Variants in OTULINL observed in about 807,000 individuals in gnomAD.
OTULINL encodes OTU deubiquitinase with linear linkage specificity like, also known as inactive ubiquitin thioesterase OTULINL.
Under a neutral mutation model 43.9 loss-of-function variants are expected in OTULINL, and 42 were observed. The observed-to-expected ratio is 0.96, with a 90% CI of 0.75 to 1.24. The LOEUF (loss-of-function observed/expected upper bound fraction) is 1.24. OTULINL is among the 50% of genes most tolerant of loss of function. OTULINL has a pLI of 0.00. For missense variants in OTULINL, 411 were observed against 426.4 expected (o/e 0.96, Z 0.32); for synonymous variants, 172 against 153.6 (o/e 1.12, Z -0.88).
rs1560970343 is a variant in OTULINL at position 14,612,160 on chromosome 5, T to C, written c.*1846T>C. The C allele has an allele frequency of 6.6e-6, 1 of 152,254 alleles. No individual in the cohort carries two copies. Among genetic ancestry groups the C allele is most frequent in the Non-Finnish European group, 1.5e-5 (1 of 68,048 alleles). 9.4% of individuals were successfully genotyped at this position (152,254 alleles called of 1,614,324 possible). On this transcript the variant is annotated 3_prime_UTR_variant, in exon 8 of 8. Transcript: ENST00000274217. ...GTTAGAAGATATCCCCCTGATGTGTTACTGTAACCAAGAAAGCATGAACGT... is the reference window on the plus strand; with the variant it reads ...GTTAGAAGATATCCCCCTGATGTGTCACTGTAACCAAGAAAGCATGAACGT...
In OTULINL at chr5:14,582,814, C is replaced by CAAA. The variant is rs57907300; in HGVS notation, c.64+879_64+881dup. On this transcript the variant is annotated intron_variant, in intron 1 of 7. Coordinates refer to ENST00000274217, the MANE Select transcript of OTULINL (RefSeq NM_019018.3). Reference sequence around the variant, plus strand: ...CAGGGAGACAGAGCCTTGCTCTGTCCAAAAAAAAAAAAAAAAAAAAAAAAA... The same window carrying CAAA: ...CAGGGAGACAGAGCCTTGCTCTGTCCAAAAAAAAAAAAAAAAAAAAAAAAAAAA... 3.2e-3 allele frequency among the ~76,000 whole-genome samples: 176 copies of CAAA among 54,958 alleles called. 2 individuals are homozygous for CAAA. Among genetic ancestry groups the CAAA allele is most frequent in the Non-Finnish European group, 4.5e-3 (129 of 28,590 alleles). The allele number at this position is 54,958 out of a possible 152,430, so 36.1% of individuals were successfully genotyped here. A position where few individuals can be genotyped will look rare whatever the true frequency, so the allele number is the denominator to read the frequency against.
In OTULINL at chr5:14,601,261, A is replaced by T; in HGVS notation, c.256+17A>T. ...AATTCAAAAGTAAATATTTTCATTCATTTATTTCTTTATTTTTAAGGTGCA... is the reference window on the plus strand; with the variant it reads ...AATTCAAAAGTAAATATTTTCATTCTTTTATTTCTTTATTTTTAAGGTGCA... On this transcript the variant is annotated intron_variant, in intron 3 of 7. Transcript: ENST00000274217. The T allele has an allele frequency of 6.2e-7, 1 of 1,610,098 alleles. No homozygotes were observed. Among genetic ancestry groups the T allele is most frequent in the Non-Finnish European group, 8.5e-7 (1 of 1,177,460 alleles).
chr5:14,591,522 C>T (rs1759201764), intron 1 of OTULINL, among the ~76,000 whole-genome samples: 1 of 152,130 alleles, frequency 6.6e-6, no homozygotes, highest in South Asian at 2.1e-4. Context: ...TTAAAAAAAT[C>T]TGCCACTCAG....
At chr5:14,608,697 A>G (rs754167655) in intron 6 of OTULINL, 51 bp from the exon 7 acceptor site, 3 of 1,398,382 alleles carry the variant, frequency 2.1e-6, no homozygotes, top group Admixed American at 4.1e-5. Flanking sequence ...ATGGAATGGT[A>G]TATGTCTTCA....
intron 1 of OTULINL, among the ~76,000 whole-genome samples, chr5:14,599,084 C>T (rs189681495): frequency 6.6e-6 from 1 of 151,716 alleles, no homozygotes; most frequent in African/African-American, 2.4e-5. Context: ...TACTAAATGT[C>T]TAGGTAAGAA....
intron 1 of OTULINL, among the ~76,000 whole-genome samples, chr5:14,582,356 C>G (rs935509304): frequency 6.6e-6 from 1 of 151,932 alleles, no homozygotes; most frequent in Non-Finnish European, 1.5e-5. Context: ...GGCGCGTGGA[C>G]CCGCGGGGCC....
intron 1 of OTULINL, among the ~76,000 whole-genome samples, chr5:14,582,902 CA>C (rs1759039801): frequency 6.6e-6 from 1 of 151,992 alleles, no homozygotes; most frequent in African/African-American, 2.4e-5. Flanking sequence ...TCGACGTCTC[CA>C]CCCGCTGGCT....
chr5:14,609,978 A>G (rs993686001), intron 7 of OTULINL, among the ~76,000 whole-genome samples, 163 bp from the exon 8 acceptor site: 3 of 151,996 alleles, frequency 2.0e-5, no homozygotes, highest in Non-Finnish European at 4.4e-5. Flanking sequence ...CTTCCACACA[A>G]TGAGCATTTG....
Position 14,610,249 on chromosome 5 carries a change from A to G in OTULINL, c.1006A>G (p.Arg336Gly), listed in dbSNP as rs1168971911. ...FEVCYPEEPLRDWPEISLLTE... is the reference protein window; with the variant it reads ...FEVCYPEEPLGDWPEISLLTE... ...AGTCTGCTACCCAGAGGAGCCTCTC[A>G]GGGACTGGCCGGAGATCTCCCTGCT... Residue 336 changes from arginine to glycine, a missense_variant, in exon 8 of 8, where the codon AGG becomes GGG. Physicochemically the swap from Arg to Gly is moderately radical, Grantham distance 125. Coordinates refer to ENST00000274217, the MANE Select transcript of OTULINL (RefSeq NM_019018.3). The G allele has an allele frequency of 6.2e-7, 1 of 1,613,756 alleles. No homozygotes were observed. Among genetic ancestry groups the G allele is most frequent in the Non-Finnish European group, 8.5e-7 (1 of 1,179,958 alleles).
Position 14,610,433 on chromosome 5 carries a change from G to A in OTULINL, c.*119G>A. The A allele has an allele frequency of 9.8e-7, 1 of 1,016,260 alleles. No homozygotes were observed. Among genetic ancestry groups the A allele is most frequent in the South Asian group, 1.6e-5 (1 of 63,820 alleles). The allele number at this position is 1,016,260 out of a possible 1,614,324, so 63.0% of individuals were successfully genotyped here. A position where few individuals can be genotyped will look rare whatever the true frequency, so the allele number is the denominator to read the frequency against. On this transcript the variant is annotated 3_prime_UTR_variant, in exon 8 of 8. Transcript: ENST00000274217. ...GGAAGGAATTAGGACCTTTTCTTCAGGATTACAGGTACACTGGATGCAGCC... is the reference window on the plus strand; with the variant it reads ...GGAAGGAATTAGGACCTTTTCTTCAAGATTACAGGTACACTGGATGCAGCC...
intron 1 of OTULINL, among the ~76,000 whole-genome samples, chr5:14,591,506 G>A (rs1402080687): frequency 6.6e-6 from 1 of 152,064 alleles, no homozygotes; most frequent in African/African-American, 2.4e-5. Flanking sequence ...AGCTGGGCAT[G>A]CCATTTTAAA....
intron 1 of OTULINL, among the ~76,000 whole-genome samples, chr5:14,583,885 CA>C (rs1236166884): frequency 2.6e-5 from 4 of 152,124 alleles, no homozygotes; most frequent in African/African-American, 9.7e-5. Context: ...AGAAAACCCA[CA>C]GAAGAGGTTT....
At chr5:14,583,560 C>T (rs925901576) in intron 1 of OTULINL, among the ~76,000 whole-genome samples, 2 of 152,178 alleles carry the variant, frequency 1.3e-5, no homozygotes, top group African/African-American at 4.8e-5. Context: ...TTTTTCCTTT[C>T]TTTGCACCAA....
intron 1 of OTULINL, among the ~76,000 whole-genome samples, chr5:14,600,208 T>C (rs1457418122): frequency 1.3e-5 from 2 of 152,148 alleles, no homozygotes; most frequent in African/African-American, 2.4e-5. Flanking sequence ...ATAAGGGGCT[T>C]TCCCCCCTTT....
At chr5:14,605,348 A>G (rs1034795833) in intron 5 of OTULINL, among the ~76,000 whole-genome samples, 1 of 120,982 alleles carries the variant, frequency 8.3e-6, no homozygotes, top group African/African-American at 3.2e-5. Context: ...GGGACCCTGG[A>G]CCTGGCCCAT....
In OTULINL at chr5:14,581,940, T is replaced by C; in HGVS notation, c.46T>C (p.Ser16Pro). 1 of 1,373,116 alleles carries C rather than the reference T, an allele frequency of 7.3e-7. No homozygotes were observed. The highest frequency in any genetic ancestry group is 9.4e-7 in the Non-Finnish European group (1 of 1,064,218). 85.1% of individuals were successfully genotyped at this position (1,373,116 alleles called of 1,614,324 possible). ...SPTRARERERSGAPAAGSDQV... is the reference protein window; with the variant it reads ...SPTRARERERPGAPAAGSDQV... ...CACGCGGGCAAGGGAGCGGGAGCGGTCTGGCGCTCCCGCCGCAGGTGAGCC... is the reference window on the plus strand; with the variant it reads ...CACGCGGGCAAGGGAGCGGGAGCGGCCTGGCGCTCCCGCCGCAGGTGAGCC... Residue 16 changes from serine to proline, a missense_variant, in exon 1 of 8, where the codon TCT becomes CCT. Ser to Pro is a moderately conservative substitution (Grantham distance 74, BLOSUM62 -1). Coordinates refer to ENST00000274217, the MANE Select transcript of OTULINL (RefSeq NM_019018.3).
At chr5:14,594,287 CTG>C (rs1454046010) in intron 1 of OTULINL, among the ~76,000 whole-genome samples, 1 of 152,192 alleles carries the variant, frequency 6.6e-6, no homozygotes, top group Admixed American at 6.5e-5. Flanking sequence ...AGGATTTGTT[CTG>C]TGTGTTTTTC....
intron 1 of OTULINL, among the ~76,000 whole-genome samples, chr5:14,582,497 A>G (rs115524606): frequency 8.0e-4 from 121 of 151,996 alleles, no homozygotes; most frequent in African/African-American, 2.8e-3. Flanking sequence ...TGGCTGAAAA[A>G]AAATTCACCC....
intron 1 of OTULINL, among the ~76,000 whole-genome samples, chr5:14,593,203 C>CA (rs1208286551): frequency 6.6e-6 from 1 of 151,874 alleles, no homozygotes; most frequent in African/African-American, 2.4e-5. Flanking sequence ...AGAAACATTC[C>CA]AAAAAAGGGA....
Sources: gnomAD v4.1 joint callset for allele counts (sites outside exome capture counted in the v4.1 genomes callset) on GRCh38, gnomAD v4.1.1 for gene constraint, MANE v1.5 for transcripts, NCBI Gene and HGNC (gene_info 2026-07-23, HGNC 2026-07-21) for gene names.